The following WDR27 variants were observed in gnomAD, a reference collection of about 807,000 sequenced individuals.
The protein encoded by WDR27 is WD repeat domain 27.
WDR27 carries 100 observed loss-of-function variants against 114.4 expected under a neutral mutation model. The observed-to-expected ratio is 0.87, with a 90% CI of 0.74 to 1.03. The LOEUF is 1.03. WDR27 is among the 50% of genes least tolerant of loss of function. The pLI is 0.00. For missense variants in WDR27, 1,129 were observed against 1,092.9 expected, an observed-to-expected ratio of 1.03 and a Z score of -0.47; for synonymous variants, 449 against 423.1, an observed-to-expected ratio of 1.06 and a Z score of -0.75.
At chr6:169,462,372 G>A (rs1237764268) in intron 25 of WDR27, among the ~76,000 whole-genome samples, 2 of 152,026 alleles carry the variant, frequency 1.3e-5, no homozygotes, top group African/African-American at 4.8e-5. Flanking sequence ...GGGAGGTGGA[G>A]GCTGCAGTAA....
At chr6:169,451,884 C>CTG in the WDR27 span, among the ~76,000 whole-genome samples, 3 of 152,032 alleles carry the variant, frequency 2.0e-5, no homozygotes, top group African/African-American at 7.3e-5. Flanking sequence ...TTATTATAAA[C>CTG]TGTGTTTTTT....
intron 12 of WDR27, 21 bp from the exon 13 acceptor site, chr6:169,658,379 A>G (rs1490212543): frequency 6.4e-7 from 1 of 1,574,492 alleles, no homozygotes; most frequent in Non-Finnish European, 8.6e-7. Context: ...AACAAGCCCC[A>G]TGAAACTAGG....
chr6:169,666,849 C>T, intron 6 of WDR27: 1 of 985,472 alleles, frequency 1.0e-6, no homozygotes, highest in Non-Finnish European at 1.2e-6. Flanking sequence ...GCTCAACTTC[C>T]CTGGGTACTC....
the WDR27 span, among the ~76,000 whole-genome samples, chr6:169,428,756 G>A: frequency 3.3e-5 from 5 of 152,334 alleles, no homozygotes; most frequent in Admixed American, 6.5e-5. Context: ...GGTGGCTGGC[G>A]TCAGGGTGAG....
At chr6:169,483,140 C>A (rs1204800127) in intron 25 of WDR27, among the ~76,000 whole-genome samples, 1 of 152,102 alleles carries the variant, frequency 6.6e-6, no homozygotes, top group Non-Finnish European at 1.5e-5. Context: ...GAAGCAAGAG[C>A]AAACCAACCC....
intron 25 of WDR27, among the ~76,000 whole-genome samples, chr6:169,537,485 GCCAAACTC>G (rs1160975125): frequency 6.6e-6 from 1 of 152,174 alleles, no homozygotes; most frequent in African/African-American, 2.4e-5. Flanking sequence ...AATAGCACAT[GCCAAACTC>G]CCAAAGTGGA....
chr6:169,427,552 G>A, the WDR27 span, among the ~76,000 whole-genome samples: 3,058 of 152,250 alleles, frequency 0.02, 64 homozygotes, highest in East Asian at 0.07. Flanking sequence ...ACAGTGTGCA[G>A]AGGACTTGGG....
At chr6:169,559,460 A>C (rs1799364394) in intron 25 of WDR27, 1 of 152,238 alleles carries the variant, frequency 6.6e-6, no homozygotes, top group African/African-American at 2.4e-5. Flanking sequence ...TAAATTGTAC[A>C]TGAAAACACA....
chr6:169,449,181 G>A, the WDR27 span, among the ~76,000 whole-genome samples: 5 of 152,146 alleles, frequency 3.3e-5, no homozygotes, highest in African/African-American at 1.2e-4. Flanking sequence ...TACAGAGCAC[G>A]TATTCAGATT....
intron 25 of WDR27, among the ~76,000 whole-genome samples, chr6:169,551,871 C>T (rs1305883535): frequency 6.6e-6 from 1 of 152,162 alleles, no homozygotes; most frequent in Admixed American, 6.5e-5. Flanking sequence ...TGCTGCTATT[C>T]TGAACGCAGT....
chr6:169,473,259 C>T (rs201812120), intron 25 of WDR27, among the ~76,000 whole-genome samples: 1 of 152,200 alleles, frequency 6.6e-6, no homozygotes, highest in Non-Finnish European at 1.5e-5. Flanking sequence ...TGACCCAGCT[C>T]TCTGTCCACA....
chr6:169,658,877 T>C (rs1476765700), intron 12 of WDR27, among the ~76,000 whole-genome samples: 1 of 152,062 alleles, frequency 6.6e-6, no homozygotes, highest in Non-Finnish European at 1.5e-5. Flanking sequence ...TTAGTAGAGA[T>C]GGGGTTTCAC....
chr6:169,475,588 C>A (rs889371835), intron 25 of WDR27, among the ~76,000 whole-genome samples: 1 of 152,164 alleles, frequency 6.6e-6, no homozygotes, highest in Non-Finnish European at 1.5e-5. Context: ...AAATAGAAAT[C>A]GTTTTATTTT....
At chr6:169,632,925 T>A (rs755077330) in intron 21 of WDR27, 22 bp downstream of exon 21, 3 of 1,572,368 alleles carry the variant, frequency 1.9e-6, no homozygotes, top group Non-Finnish European at 2.6e-6. Flanking sequence ...AGATGATACA[T>A]GTTATCCAAA....
chr6:169,513,311 C>T (rs1184313976), intron 25 of WDR27, among the ~76,000 whole-genome samples: 1 of 152,164 alleles, frequency 6.6e-6, no homozygotes, highest in Non-Finnish European at 1.5e-5. Flanking sequence ...GTTTCTATGG[C>T]TTGGCCCTGG....
chr6:169,584,255 G>A (rs965064781), intron 23 of WDR27, among the ~76,000 whole-genome samples: 5 of 152,088 alleles, frequency 3.3e-5, no homozygotes, highest in African/African-American at 9.7e-5. Context: ...AGGCTATACC[G>A]TTGTGTGTAC....
chr6:169,492,758 A>G (rs1789936501), intron 25 of WDR27, among the ~76,000 whole-genome samples: 2 of 152,228 alleles, frequency 1.3e-5, no homozygotes, highest in South Asian at 4.1e-4. Flanking sequence ...ATTGATAAAA[A>G]TGTGCTAGTA....
chr6:169,620,468 T>C (rs1247304507), intron 21 of WDR27, among the ~76,000 whole-genome samples: 20 of 152,118 alleles, frequency 1.3e-4, no homozygotes, highest in Admixed American at 1.3e-3. Context: ...ATTGTTTATG[T>C]AAAAATGATG....
chr6:169,619,372 T>C (rs1383398054), intron 21 of WDR27, among the ~76,000 whole-genome samples: 1 of 152,144 alleles, frequency 6.6e-6, no homozygotes, highest in Non-Finnish European at 1.5e-5. Flanking sequence ...TATGCGCCTC[T>C]TGTCGACAGA....
Sources: gnomAD v4.1 joint callset for allele counts (sites outside exome capture counted in the v4.1 genomes callset) on GRCh38, gnomAD v4.1.1 for gene constraint, MANE v1.5 for transcripts, NCBI Gene and HGNC (gene_info 2026-07-23, HGNC 2026-07-21) for gene names.